SFRP1: variants seen among roughly 807,000 people sequenced by gnomAD.
SFRP1 encodes secreted frizzled related protein 1.
A neutral mutation model predicts 25.9 loss-of-function variants in SFRP1; 9 were observed. The ratio of observed to expected loss-of-function variants is 0.35; its 90% CI spans 0.21 to 0.61. The LOEUF is 0.61. SFRP1 is among the 20% of genes least tolerant of loss of function. The probability of loss-of-function intolerance (pLI) is 0.78; values close to 1 mark genes in which losing one functional copy is unlikely to be tolerated. For missense variants in SFRP1, 346 were observed against 418.2 expected, an observed-to-expected ratio of 0.83 and a Z score of 1.51; for synonymous variants, 178 against 174.0, an observed-to-expected ratio of 1.02 and a Z score of -0.18.
intron 2 of SFRP1, among the ~76,000 whole-genome samples, chr8:41,290,884 G>GTTTTTTT (rs1395442969): frequency 7.3e-5 from 2 of 27,468 alleles, no homozygotes; most frequent in Non-Finnish European, 1.7e-4. Context: ...CCTCTTCCTC[G>GTTTTTTT]TCTTTTTTTT....
chr8:41,265,127 CCCCACCCGAGGCTCCCT>C lies in SFRP1; in HGVS notation c.*23_*39del. ...CGGGGCACTGTCCCCCCCGCTCCCA[CCCCACCCGAGGCTCCCT>C]CCCCACCCTGCCCCCGGGAGAATCA... On this transcript the variant is annotated 3_prime_UTR_variant, in exon 3 of 3. Transcript: ENST00000220772. The C allele has an allele frequency of 3.9e-6, 2 of 513,896 alleles. No homozygotes were observed. The highest frequency in any genetic ancestry group is 3.6e-6 in the Non-Finnish European group (1 of 278,572). The allele number at this position is 513,896 out of a possible 1,614,324, so 31.8% of individuals were successfully genotyped here. A position where few individuals can be genotyped will look rare whatever the true frequency, so the allele number is the denominator to read the frequency against.
chr8:41,277,803 G>A (rs1030422552), intron 2 of SFRP1, among the ~76,000 whole-genome samples: 4 of 152,144 alleles, frequency 2.6e-5, no homozygotes. Context: ...TACAGATGGT[G>A]TCTCACTATG....
intron 1 of SFRP1, among the ~76,000 whole-genome samples, chr8:41,304,097 G>A (rs894300947): frequency 7.2e-5 from 11 of 152,176 alleles, no homozygotes; most frequent in African/African-American, 2.4e-4. Flanking sequence ...AGGAGGCCAG[G>A]GCAGGCGGGC....
chr8:41,297,709 A>G (rs543065741), intron 2 of SFRP1, among the ~76,000 whole-genome samples: 100 of 152,064 alleles, frequency 6.6e-4, no homozygotes, highest in African/African-American at 2.3e-3. Flanking sequence ...CGCTTAGCTT[A>G]TAGGGTAGGG....
In SFRP1 at chr8:41,302,855, G is replaced by A. The variant is rs575020732; in HGVS notation, c.622+606C>T. 4.6e-5 allele frequency among the ~76,000 whole-genome samples: 7 copies of A among 150,874 alleles called. No homozygotes were observed. The South Asian group carries it at 8.4e-4, about 18-fold the overall frequency. On this transcript the variant is annotated intron_variant, in intron 2 of 2. Transcript: ENST00000220772. ...GAGTGCTGGTTCAGAATTCTCTTTC[G>A]ATGGAGAGTGACTTGGGAAGAAGAG...
At chr8:41,278,444 A>G (rs1198173166) in intron 2 of SFRP1, among the ~76,000 whole-genome samples, 1 of 152,214 alleles carries the variant, frequency 6.6e-6, no homozygotes, top group Non-Finnish European at 1.5e-5. Context: ...CCATTTGCAA[A>G]ACGAATGTGT....
intron 1 of SFRP1, among the ~76,000 whole-genome samples, chr8:41,305,109 C>G (rs1353759479): frequency 6.6e-6 from 1 of 152,140 alleles, no homozygotes; most frequent in Non-Finnish European, 1.5e-5. Flanking sequence ...TGGAAAGGAC[C>G]AGGTTACTTG....
At chr8:41,284,673 T>A (rs940943176) in intron 2 of SFRP1, among the ~76,000 whole-genome samples, 1 of 152,198 alleles carries the variant, frequency 6.6e-6, no homozygotes, top group African/African-American at 2.4e-5. Context: ...GGCCCACACC[T>A]GCTCGCTCTA....
chr8:41,271,922 A>AC (rs1231720922), intron 2 of SFRP1, among the ~76,000 whole-genome samples: 3 of 152,064 alleles, frequency 2.0e-5, no homozygotes, highest in African/African-American at 7.2e-5. Flanking sequence ...CTATGACTGC[A>AC]CCCCTGCGCT....
chr8:41,303,670 T>C (rs1350712997), intron 1 of SFRP1, 132 bp from the exon 2 acceptor site: 3 of 673,700 alleles, frequency 4.5e-6, no homozygotes, highest in South Asian at 1.7e-5. Flanking sequence ...GAAGGGGACC[T>C]GAGAATTGAA....
intron 2 of SFRP1, chr8:41,275,350 A>G (rs1803559463): frequency 3.1e-6 from 1 of 319,938 alleles, no homozygotes; most frequent in African/African-American, 2.4e-5. Flanking sequence ...AAAAAAAAAA[A>G]ATCACCCAGA....
chr8:41,304,235 T>A (rs1417897237), intron 1 of SFRP1, among the ~76,000 whole-genome samples: 1 of 151,958 alleles, frequency 6.6e-6, no homozygotes, highest in East Asian at 1.9e-4. Flanking sequence ...CAGACGTGCA[T>A]AACGTTGGAA....
chr8:41,281,496 C>A lies in SFRP1; in HGVS notation c.623-16007G>T, dbSNP rs1393396182. On this transcript the variant is annotated intron_variant, in intron 2 of 2. Coordinates refer to ENST00000220772, the MANE Select transcript of SFRP1 (RefSeq NM_003012.5). ...GAGCACAGAAGGGTTAAGCCCATGG[C>A]TGCCATCCAAAGAGTTGAGACACAT... 4.6e-5 allele frequency among the ~76,000 whole-genome samples: 7 copies of A among 152,358 alleles called. No individual in the cohort carries two copies. In the East Asian group the frequency reaches 1.4e-3, roughly 29 times the overall value.
intron 1 of SFRP1, among the ~76,000 whole-genome samples, chr8:41,307,465 G>A (rs1804012761): frequency 6.6e-6 from 1 of 152,170 alleles, no homozygotes; most frequent in Non-Finnish European, 1.5e-5. Flanking sequence ...CAATAACAGA[G>A]GTTAAAGACA....
At position 41,308,743 on chromosome 8, in the gene SFRP1, C is replaced by T; in HGVS notation, c.417G>A (p.Ser139=). The change falls in exon 1 of 3, where the codon TCG becomes TCA. Residue 139 remains serine (S), a synonymous_variant. Transcript: ENST00000220772. ...CRWLCEAVRD[S]CEPVMQFFGF... ...CGAAGAACTGCATGACCGGCTCGCA[C>T]GAGTCGCGCACGGCCTCGCAGAGCC... 6.2e-7 allele frequency: 1 copy of T among 1,608,036 alleles called. No individual in the cohort carries two copies. Among genetic ancestry groups the T allele is most frequent in the Non-Finnish European group, 8.5e-7 (1 of 1,177,574 alleles).
intron 2 of SFRP1, among the ~76,000 whole-genome samples, chr8:41,269,006 T>C (rs1803470033): frequency 6.6e-6 from 1 of 152,234 alleles, no homozygotes; most frequent in African/African-American, 2.4e-5. Context: ...GTACTCTGTC[T>C]GTAAAGTGCA....
intron 2 of SFRP1, 44 bp downstream of exon 2, chr8:41,303,417 G>A (rs1803953180): frequency 6.9e-7 from 1 of 1,440,806 alleles, no homozygotes; most frequent in East Asian, 2.3e-5. Flanking sequence ...GCACAGACCA[G>A]GAGGTTCCAA....
intron 2 of SFRP1, among the ~76,000 whole-genome samples, chr8:41,302,785 C>A (rs751911433): frequency 6.6e-6 from 1 of 152,144 alleles, no homozygotes; most frequent in Non-Finnish European, 1.5e-5. Flanking sequence ...GCATCTCCCC[C>A]ACCTCCCCCT....
At chr8:41,307,911 G>A (rs1357608365) in intron 1 of SFRP1, among the ~76,000 whole-genome samples, 2 of 152,168 alleles carry the variant, frequency 1.3e-5, no homozygotes, top group Admixed American at 1.3e-4. Flanking sequence ...TTGTGTAAAT[G>A]AGAAAAGCAG....
Sources: allele counts gnomAD v4.1 joint callset (sites outside exome capture counted in the v4.1 genomes callset), GRCh38; gene constraint gnomAD v4.1.1; transcripts MANE v1.5; gene names NCBI Gene and HGNC (gene_info 2026-07-23, HGNC 2026-07-21).